RAD54L2: variants seen among roughly 807,000 people sequenced by gnomAD.
The protein encoded by RAD54L2 is RAD54 like 2, also known as helicase ARIP4.
A neutral mutation model predicts 138.4 loss-of-function variants in RAD54L2; 27 were observed. The ratio of observed to expected loss-of-function variants is 0.20; its 90% CI spans 0.14 to 0.27. RAD54L2 has a LOEUF of 0.27. Ranked by LOEUF, RAD54L2 falls within the 10% of genes least tolerant of loss-of-function variation. The pLI, the probability that RAD54L2 is intolerant of heterozygous loss-of-function variation, is 1.00. For missense variants in RAD54L2, 1,396 were observed against 1,890.2 expected, an observed-to-expected ratio of 0.74 and a Z score of 4.85; for synonymous variants, 644 against 723.2, an observed-to-expected ratio of 0.89 and a Z score of 1.76.
At chr3:51,634,358 A>ATTTTTTTT (rs61565460) in intron 9 of RAD54L2, among the ~76,000 whole-genome samples, 4 of 94,964 alleles carry the variant, frequency 4.2e-5, no homozygotes, top group Non-Finnish European at 6.1e-5. Context: ...CCACTGTCTG[A>ATTTTTTTT]TTTTTTTTTT....
At position 51,635,805 on chromosome 3, in the gene RAD54L2, C is replaced by T; in HGVS notation, c.1339+16C>T. 6.3e-7 allele frequency: 1 copy of T among 1,590,758 alleles called. No homozygotes were observed. The highest frequency in any genetic ancestry group is 8.6e-7 in the Non-Finnish European group (1 of 1,169,058). ...TTTCGGAGAGGTGGGCAGCCTATCC[C>T]AGGAATACTCTTGTTGGTGTTTCAG... On this transcript the variant is annotated intron_variant, in intron 10 of 22. Coordinates refer to ENST00000684192, the MANE Select transcript of RAD54L2 (RefSeq NM_015106.4).
At chr3:51,619,237 T>C (rs530185460) in intron 3 of RAD54L2, among the ~76,000 whole-genome samples, 2 of 152,252 alleles carry the variant, frequency 1.3e-5, no homozygotes, top group South Asian at 4.1e-4. Context: ...TTTTGTATTT[T>C]TAGTAGAGGT....
At chr3:51,561,816 A>G (rs890917748) in intron 2 of RAD54L2, among the ~76,000 whole-genome samples, 1 of 151,890 alleles carries the variant, frequency 6.6e-6, no homozygotes, top group African/African-American at 2.4e-5. Flanking sequence ...CAGCCTCCCA[A>G]AGTGCTGGAA....
chr3:51,646,262 T>C (rs1420729887), intron 18 of RAD54L2, 23 bp from the exon 19 acceptor site: 1 of 1,554,798 alleles, frequency 6.4e-7, no homozygotes, highest in Non-Finnish European at 8.7e-7. Flanking sequence ...GGTAACTAAA[T>C]CAACATCCTC....
At chr3:51,588,873 C>G (rs1699773413) in intron 2 of RAD54L2, among the ~76,000 whole-genome samples, 1 of 152,180 alleles carries the variant, frequency 6.6e-6, no homozygotes, top group Non-Finnish European at 1.5e-5. Context: ...CACTCCTCCT[C>G]TGCCGTTGGT....
At chr3:51,551,782 C>T (rs1259204272) in intron 2 of RAD54L2, among the ~76,000 whole-genome samples, 1 of 147,466 alleles carries the variant, frequency 6.8e-6, no homozygotes, top group Non-Finnish European at 1.5e-5. Context: ...GAGATGGAGT[C>T]TCGCTCTGTC....
chr3:51,610,090 C>T (rs1232737366), intron 3 of RAD54L2, among the ~76,000 whole-genome samples: 1 of 151,486 alleles, frequency 6.6e-6, no homozygotes, highest in Non-Finnish European at 1.5e-5. Context: ...GAGCCGAGAT[C>T]GAGCCACTGC....
At chr3:51,628,996 G>T (rs550539221) in intron 4 of RAD54L2, among the ~76,000 whole-genome samples, 2 of 152,164 alleles carry the variant, frequency 1.3e-5, no homozygotes, top group African/African-American at 4.8e-5. Context: ...GATTACAGGC[G>T]TGAACCACCA....
intron 2 of RAD54L2, among the ~76,000 whole-genome samples, chr3:51,566,466 GTTTTTTTT>G (rs71084149): frequency 2.5e-4 from 8 of 31,512 alleles, no homozygotes; most frequent in African/African-American, 9.5e-4. Flanking sequence ...CCTTTTCTGC[GTTTTTTTT>G]TTTTTTTTTT....
At chr3:51,640,779 A>G (rs959120139) in intron 14 of RAD54L2, among the ~76,000 whole-genome samples, 2 of 152,218 alleles carry the variant, frequency 1.3e-5, no homozygotes, top group African/African-American at 4.8e-5. Context: ...CCATAATCAT[A>G]TCTGATGTAT....
chr3:51,665,998 T>C lies in RAD54L2; in HGVS notation c.*2578T>C, dbSNP rs529287150. 6.6e-6 allele frequency: 1 copy of C among 152,272 alleles called. No homozygotes were observed. Among genetic ancestry groups the C allele is most frequent in the South Asian group, 2.1e-4 (1 of 4,826 alleles). 9.4% of individuals were successfully genotyped at this position (152,272 alleles called of 1,614,324 possible). ...GGTATTCTGAGAGGCAGCACATGCC[T>C]ACTGTCTATCCAGTGTTCCAGGGAC... On this transcript the variant is annotated 3_prime_UTR_variant, in exon 23 of 23. Coordinates refer to ENST00000684192, the MANE Select transcript of RAD54L2 (RefSeq NM_015106.4).
intron 4 of RAD54L2, 143 bp downstream of exon 4, chr3:51,627,897 A>C: frequency 1.1e-6 from 1 of 910,770 alleles, no homozygotes; most frequent in Non-Finnish European, 1.7e-6. Context: ...GTCTTCATTA[A>C]TAGTGAAGGT....
In RAD54L2 at chr3:51,639,634, C is replaced by G. The variant is rs777171041; in HGVS notation, c.2076C>G (p.Phe692Leu). ...TACAGGGCGTTGGCTTCAACCCTTT[C>G]CAGGAGCGAGGCAACAACATTGTCA... ...KFLQGVGFNP[F>L]QERGNNIVTY... The change falls in exon 13 of 23, where the codon TTC becomes TTG. Residue 692 changes from phenylalanine to leucine, a missense_variant. Around this residue, in one of 7 missense-constraint regions of RAD54L2, gnomAD observed 211 missense variants for 273.8 expected, o/e 0.77. Coordinates refer to ENST00000684192, the MANE Select transcript of RAD54L2 (RefSeq NM_015106.4). 6.2e-7 allele frequency: 1 copy of G among 1,613,880 alleles called. No individual in the cohort carries two copies. Among genetic ancestry groups the G allele is most frequent in the Non-Finnish European group, 8.5e-7 (1 of 1,179,864 alleles).
intron 2 of RAD54L2, among the ~76,000 whole-genome samples, chr3:51,578,562 C>A (rs902732768): frequency 6.6e-6 from 1 of 152,082 alleles, no homozygotes; most frequent in African/African-American, 2.4e-5. Context: ...TTTCCTTGAC[C>A]CCCTCATGGG....
intron 3 of RAD54L2, among the ~76,000 whole-genome samples, chr3:51,624,412 T>A (rs1463566085): frequency 2.0e-5 from 3 of 151,956 alleles, no homozygotes; most frequent in African/African-American, 4.8e-5. Flanking sequence ...TCATTTTAAT[T>A]TAATTTAGTT....
intron 3 of RAD54L2, among the ~76,000 whole-genome samples, chr3:51,619,573 A>G (rs1321811294): frequency 6.6e-6 from 1 of 150,648 alleles, no homozygotes; most frequent in African/African-American, 2.5e-5. Context: ...GGCTTTTACT[A>G]CCGGTCTCCT....
At chr3:51,641,203 A>T (rs1468828204) in intron 14 of RAD54L2, among the ~76,000 whole-genome samples, 1 of 152,024 alleles carries the variant, frequency 6.6e-6, no homozygotes, top group Admixed American at 6.6e-5. Flanking sequence ...ATGGGGTTTC[A>T]TCATGTTGGC....
chr3:51,600,611 C>CA (rs1464244199), intron 3 of RAD54L2, among the ~76,000 whole-genome samples: 1 of 151,652 alleles, frequency 6.6e-6, no homozygotes, highest in Non-Finnish European at 1.5e-5. Context: ...GACTCTGTCT[C>CA]AAAAAAATAA....
chr3:51,634,067 T>C (rs1289131856), intron 9 of RAD54L2, 32 bp downstream of exon 9: 1 of 1,604,166 alleles, frequency 6.2e-7, no homozygotes, highest in Admixed American at 1.7e-5. Flanking sequence ...CTCTGCCCCT[T>C]TCCTTTTAGA....
Sources: gnomAD v4.1 joint callset for allele counts (sites outside exome capture counted in the v4.1 genomes callset) on GRCh38, gnomAD v4.1.1 for gene constraint, gnomAD v4.1.1 regional missense constraint, MANE v1.5 for transcripts, NCBI Gene and HGNC (gene_info 2026-07-23, HGNC 2026-07-21) for gene names.